DYSF: variants seen among roughly 807,000 people sequenced by gnomAD.
DYSF encodes the protein dysferlin.
DYSF carries 212 observed loss-of-function variants against 274.9 expected under a neutral mutation model. The observed-to-expected ratio is 0.77, with a 90% CI of 0.69 to 0.86. The LOEUF (loss-of-function observed/expected upper bound fraction) is 0.86. DYSF is among the 40% of genes least tolerant of loss of function. The probability of loss-of-function intolerance (pLI) is 0.00; values close to 1 mark genes in which losing one functional copy is unlikely to be tolerated. For missense variants in DYSF, 2,666 were observed against 2,783.2 expected, an observed-to-expected ratio of 0.96 and a Z score of 0.95; for synonymous variants, 1,091 against 1,078.7, an observed-to-expected ratio of 1.01 and a Z score of -0.22.
At chr2:71,520,987 T>C in intron 12 of DYSF, 83 bp downstream of exon 12, 1 of 1,146,208 alleles carries the variant, frequency 8.7e-7, no homozygotes, top group Non-Finnish European at 1.3e-6. Flanking sequence ...ACAAAAACTC[T>C]ATTTTTTTTT....
chr2:71,596,002 CTTTTT>C (rs34280550), intron 32 of DYSF, among the ~76,000 whole-genome samples: 3 of 135,806 alleles, frequency 2.2e-5, no homozygotes, highest in Non-Finnish European at 3.1e-5. Context: ...CCCCTTTTTC[CTTTTT>C]TTTTTTTTTT....
chr2:71,539,347 T>G, intron 17 of DYSF, 108 bp downstream of exon 17: 1 of 980,946 alleles, frequency 1.0e-6, no homozygotes, highest in South Asian at 1.3e-5. Flanking sequence ...GGGGAGATTA[T>G]AAGGCCTCTG....
chr2:71,563,393 A>C (rs2091898359), intron 23 of DYSF, among the ~76,000 whole-genome samples: 1 of 152,210 alleles, frequency 6.6e-6, no homozygotes, highest in South Asian at 2.1e-4. Context: ...ACTTGGGCTC[A>C]CTTTGCTCAT....
intron 42 of DYSF, among the ~76,000 whole-genome samples, chr2:71,646,904 AG>A (rs1181191458): frequency 6.6e-6 from 1 of 152,218 alleles, no homozygotes; most frequent in African/African-American, 2.4e-5. Flanking sequence ...TTAGCAAACA[AG>A]GTAAGTGTAA....
chr2:71,685,653 C>A (rs1308846074), intron 55 of DYSF, among the ~76,000 whole-genome samples: 1 of 152,200 alleles, frequency 6.6e-6, no homozygotes, highest in African/African-American at 2.4e-5. Flanking sequence ...TATGAGGGGG[C>A]AGCCTGTCTG....
At chr2:71,602,116 CCTT>C (rs2093562721) in intron 35 of DYSF, among the ~76,000 whole-genome samples, 1 of 152,226 alleles carries the variant, frequency 6.6e-6, no homozygotes, top group African/African-American at 2.4e-5. Context: ...TGCTCTCCTT[CCTT>C]CTTCTGGAGG....
chr2:71,506,520 C>T (rs940435678), intron 4 of DYSF, among the ~76,000 whole-genome samples: 3 of 152,096 alleles, frequency 2.0e-5, no homozygotes, highest in Non-Finnish European at 1.5e-5. Flanking sequence ...GGCTGTCAGG[C>T]GCGGGACCCG....
At chr2:71,455,269 G>T (rs80037813) in intron 1 of DYSF, among the ~76,000 whole-genome samples, 26,454 of 152,202 alleles carry the variant, frequency 0.17, 2,599 homozygotes, top group East Asian at 0.45. Context: ...CATGTCATGA[G>T]TACCTTCTCT....
chr2:71,661,158 G>A (rs1191235518), intron 45 of DYSF, among the ~76,000 whole-genome samples: 1 of 147,892 alleles, frequency 6.8e-6, no homozygotes, highest in Non-Finnish European at 1.5e-5. Context: ...GTAGAAATCT[G>A]TGTGTAAGCT....
At chr2:71,486,058 C>T (rs1220876674) in intron 3 of DYSF, among the ~76,000 whole-genome samples, 4 of 152,156 alleles carry the variant, frequency 2.6e-5, no homozygotes, top group Non-Finnish European at 5.9e-5. Context: ...AACAGGGACT[C>T]AAGGGTTAGG....
chr2:71,677,896 C>A (rs2095246527), intron 52 of DYSF, among the ~76,000 whole-genome samples: 1 of 152,200 alleles, frequency 6.6e-6, no homozygotes. Context: ...TGCTAACGTT[C>A]ACTGCAACAT....
Position 71,620,566 on chromosome 2 carries a change from G to A in DYSF, c.4484G>A (p.Ser1495Asn), listed in dbSNP as rs890155865. The A allele has an allele frequency of 3.2e-6, 5 of 1,551,666 alleles. No homozygotes were observed. The highest frequency in any genetic ancestry group is 4.4e-6 in the Non-Finnish European group (5 of 1,147,000). The change falls in exon 41 of 56, where the codon AGC (serine) becomes AAC (asparagine). Residue 1495 changes from serine (S) to asparagine (N), a missense_variant. Coordinates refer to ENST00000410020, the MANE Select transcript of DYSF (RefSeq NM_001130987.2). ...IPIQLADGLS[S>N]LAPTNTASPP... ...TTGTAGCTTGCAGACGGTCTGTCGAGCTTGGCCCCCACTAACACGGCTTCT... is the reference window on the plus strand; with the variant it reads ...TTGTAGCTTGCAGACGGTCTGTCGAACTTGGCCCCCACTAACACGGCTTCT...
chr2:71,641,337 C>A lies in DYSF; in HGVS notation c.4528-2628C>A, dbSNP rs552764046. Reference sequence around the variant, plus strand: ...GGGACTACAGGCGCCCGCCACCACGCCCGGCTAATTTTTTTGTATTTTTAG... The same window carrying A: ...GGGACTACAGGCGCCCGCCACCACGACCGGCTAATTTTTTTGTATTTTTAG... On this transcript the variant is annotated intron_variant, in intron 41 of 55. Transcript: ENST00000410020. Among the ~76,000 whole-genome samples the A allele has an allele frequency of 4.3e-4, 66 of 151,816 alleles. 1 individual carries two copies. In the South Asian group the frequency reaches 1.0e-2, roughly 23 times the overall value.
intron 1 of DYSF, 130 bp from the exon 2 acceptor site, chr2:71,480,753 G>A (rs2082816020): frequency 1.2e-6 from 1 of 805,894 alleles, no homozygotes; most frequent in Admixed American, 2.0e-5. Context: ...GGTTCTCAGG[G>A]AATCTGTTGA....
At chr2:71,598,483 G>A in intron 32 of DYSF, 81 bp from the exon 33 acceptor site, 4 of 1,535,292 alleles carry the variant, frequency 2.6e-6, no homozygotes, top group Non-Finnish European at 1.8e-6. Context: ...CCAGCTTTGT[G>A]GCCCCACATG....
chr2:71,507,856 T>C (rs911263113), intron 4 of DYSF, among the ~76,000 whole-genome samples: 1 of 152,376 alleles, frequency 6.6e-6, no homozygotes, highest in South Asian at 2.1e-4. Flanking sequence ...TAAAGCTCAC[T>C]GCATCCTTGA....
At chr2:71,673,977 T>C (rs1383399036) in intron 51 of DYSF, among the ~76,000 whole-genome samples, 1 of 152,158 alleles carries the variant, frequency 6.6e-6, no homozygotes, top group African/African-American at 2.4e-5. Context: ...AATGGAGCCA[T>C]CTTATGTGAA....
chr2:71,523,774 T>G (rs182550869), intron 12 of DYSF, among the ~76,000 whole-genome samples: 140 of 152,250 alleles, frequency 9.2e-4, no homozygotes, highest in African/African-American at 3.2e-3. Context: ...CTCAAACTCC[T>G]GACCTTGTGA....
chr2:71,560,092 T>C (rs1312911967), intron 22 of DYSF, among the ~76,000 whole-genome samples: 1 of 152,202 alleles, frequency 6.6e-6, no homozygotes, highest in Non-Finnish European at 1.5e-5. Context: ...TGCTTAGGGC[T>C]GGGTGGAGCG....
Sources: gnomAD v4.1 joint callset for allele counts (sites outside exome capture counted in the v4.1 genomes callset) on GRCh38, gnomAD v4.1.1 for gene constraint, MANE v1.5 for transcripts, NCBI Gene and HGNC (gene_info 2026-07-23, HGNC 2026-07-21) for gene names.